Variants in NRCAM observed in about 807,000 individuals in gnomAD.
NRCAM encodes NgCAM-related cell adhesion molecule.
A neutral mutation model predicts 156.5 loss-of-function variants in NRCAM; 83 were observed. That is an observed-to-expected ratio of 0.53 (90% CI 0.44 to 0.64). The LOEUF (loss-of-function observed/expected upper bound fraction) is 0.64. Among genes scored for constraint, NRCAM ranks in the 30% least tolerant of loss-of-function variants. The pLI is 0.00. For missense variants in NRCAM, 1,417 were observed against 1,597.3 expected, an observed-to-expected ratio of 0.89 and a Z score of 1.92; for synonymous variants, 538 against 563.9, an observed-to-expected ratio of 0.95 and a Z score of 0.65.
intron 32 of NRCAM, among the ~76,000 whole-genome samples, chr7:108,154,670 T>C (rs1289239797): frequency 6.6e-6 from 1 of 152,136 alleles, no homozygotes; most frequent in African/African-American, 2.4e-5. Context: ...GACCAGTCTT[T>C]AATAAGTGGT....
intron 13 of NRCAM, among the ~76,000 whole-genome samples, chr7:108,199,187 G>T (rs1175547513): frequency 6.6e-6 from 1 of 152,058 alleles, no homozygotes; most frequent in Non-Finnish European, 1.5e-5. Flanking sequence ...AAAGGAAAAG[G>T]ATGTGCATCT....
At chr7:108,282,722 A>AAAAAGAGG (rs2097906813) in intron 3 of NRCAM, among the ~76,000 whole-genome samples, 1 of 151,968 alleles carries the variant, frequency 6.6e-6, no homozygotes, top group Admixed American at 6.6e-5. Context: ...GCACAGGGAG[A>AAAAAGAGG]AAAAGAGAGA....
At chr7:108,348,287 A>C (rs1472765895) in intron 2 of NRCAM, among the ~76,000 whole-genome samples, 2 of 152,102 alleles carry the variant, frequency 1.3e-5, no homozygotes, top group Admixed American at 1.3e-4. Context: ...ATTTCAGAGG[A>C]GGGGCAGAGC....
chr7:108,183,994 C>T (rs1255832179), intron 22 of NRCAM, among the ~76,000 whole-genome samples: 2 of 152,012 alleles, frequency 1.3e-5, no homozygotes, highest in Non-Finnish European at 2.9e-5. Flanking sequence ...AAACAACTGG[C>T]CTAAGATCAC....
In NRCAM at chr7:108,166,871, C is replaced by T. The variant is rs113433082; in HGVS notation, c.3466+50G>A. 3.3e-3 allele frequency: 5,226 copies of T among 1,560,590 alleles called. 118 individuals are homozygous for T. In the African/African-American group the frequency reaches 0.053, roughly 16 times the overall value. On this transcript the variant is annotated intron_variant, in intron 30 of 32. Transcript: ENST00000379028. Reference sequence around the variant, plus strand: ...CCCCATCTCCAGCTGGAGCACCTGGCGGCCTCCACCTCTGAGCGGGAGCCA... The same window carrying T: ...CCCCATCTCCAGCTGGAGCACCTGGTGGCCTCCACCTCTGAGCGGGAGCCA...
At chr7:108,336,403 G>T (rs1045721330) in intron 2 of NRCAM, among the ~76,000 whole-genome samples, 1 of 152,126 alleles carries the variant, frequency 6.6e-6, no homozygotes, top group African/African-American at 2.4e-5. Context: ...AAACCAGAGC[G>T]ATTAGCTGAT....
At chr7:108,435,119 T>C (rs1392688444) in intron 1 of NRCAM, among the ~76,000 whole-genome samples, 2 of 151,866 alleles carry the variant, frequency 1.3e-5, no homozygotes, top group Non-Finnish European at 2.9e-5. Context: ...CTATTATAAA[T>C]ATGTTCCGAA....
rs1012395022 is a variant in NRCAM at position 108,237,839 on chromosome 7, G to A, written c.107-70C>T. On this transcript the variant is annotated intron_variant, in intron 4 of 32. Coordinates refer to ENST00000379028, the MANE Select transcript of NRCAM (RefSeq NM_001037132.4). ...AAAGAAAATCAGATGTTAATAATAA[G>A]AACGTTAGAACTCTGAAGATAAAGG... The A allele has an allele frequency of 6.9e-6, 8 of 1,156,072 alleles. No homozygotes were observed. In the African/African-American group the frequency reaches 9.4e-5, roughly 14 times the overall value. The allele number at this position is 1,156,072 out of a possible 1,614,324, so 71.6% of individuals were successfully genotyped here. A position where few individuals can be genotyped will look rare whatever the true frequency, so the allele number is the denominator to read the frequency against.
intron 3 of NRCAM, among the ~76,000 whole-genome samples, chr7:108,282,876 C>T (rs953188535): frequency 2.6e-5 from 4 of 152,198 alleles, no homozygotes; most frequent in South Asian, 2.1e-4. Flanking sequence ...ACACTAGAGC[C>T]GCCTGGGGAG....
chr7:108,245,460 T>A (rs1043781832), intron 3 of NRCAM, among the ~76,000 whole-genome samples: 1 of 152,208 alleles, frequency 6.6e-6, no homozygotes, highest in African/African-American at 2.4e-5. Flanking sequence ...TTCTACCACA[T>A]GCGGGCCCTG....
intron 3 of NRCAM, among the ~76,000 whole-genome samples, chr7:108,245,596 A>G (rs2095853732): frequency 6.6e-6 from 1 of 152,232 alleles, no homozygotes; most frequent in Non-Finnish European, 1.5e-5. Flanking sequence ...ACAGAATGCA[A>G]AGTAAGCAAC....
At chr7:108,413,632 A>G (rs1475956006) in intron 1 of NRCAM, among the ~76,000 whole-genome samples, 4 of 152,150 alleles carry the variant, frequency 2.6e-5, no homozygotes, top group Admixed American at 2.6e-4. Context: ...TTTAGTCTAA[A>G]TTGGCTTTTA....
intron 1 of NRCAM, among the ~76,000 whole-genome samples, chr7:108,424,688 A>G (rs997999205): frequency 2.0e-5 from 3 of 152,196 alleles, no homozygotes; most frequent in African/African-American, 7.2e-5. Context: ...GAAATTGAAT[A>G]ATATATTCTA....
At chr7:108,197,104 G>C (rs73414325) in intron 14 of NRCAM, among the ~76,000 whole-genome samples, 2,561 of 152,246 alleles carry the variant, frequency 0.017, 77 homozygotes, top group African/African-American at 0.058. Context: ...AAGTGCAACA[G>C]GCCAGATACA....
intron 2 of NRCAM, among the ~76,000 whole-genome samples, chr7:108,332,885 A>G (rs1295483900): frequency 6.6e-6 from 1 of 152,230 alleles, no homozygotes; most frequent in Non-Finnish European, 1.5e-5. Context: ...CAATGTAATA[A>G]TAACCGAAAT....
chr7:108,253,112 T>C (rs1270126099), intron 3 of NRCAM, among the ~76,000 whole-genome samples: 1 of 152,248 alleles, frequency 6.6e-6, no homozygotes, highest in Non-Finnish European at 1.5e-5. Flanking sequence ...TTTGTAGGAA[T>C]GGCTTCAAAC....
chr7:108,180,525 T>C (rs746320419), intron 24 of NRCAM, 98 bp from the exon 25 acceptor site: 16 of 956,256 alleles, frequency 1.7e-5, no homozygotes, highest in Non-Finnish European at 1.4e-5. Flanking sequence ...GAAAATTCCG[T>C]TGGTATATTT....
chr7:108,411,466 C>A (rs1446560213), intron 1 of NRCAM, among the ~76,000 whole-genome samples: 1 of 152,142 alleles, frequency 6.6e-6, no homozygotes, highest in African/African-American at 2.4e-5. Flanking sequence ...TGCTATTTTA[C>A]AACTTACTTT....
At chr7:108,396,930 A>G (rs572375282) in intron 2 of NRCAM, among the ~76,000 whole-genome samples, 1 of 152,340 alleles carries the variant, frequency 6.6e-6, no homozygotes, top group South Asian at 2.1e-4. Flanking sequence ...TAAAAACTAT[A>G]AAATTTAAAA....
Sources: allele counts gnomAD v4.1 joint callset (sites outside exome capture counted in the v4.1 genomes callset), GRCh38; gene constraint gnomAD v4.1.1; transcripts MANE v1.5; gene names NCBI Gene and HGNC (gene_info 2026-07-23, HGNC 2026-07-21).